MRRF: variants seen among roughly 807,000 people sequenced by gnomAD.
The protein encoded by MRRF is ribosome-recycling factor, mitochondrial.
In MRRF, 18 loss-of-function variants were observed where a neutral mutation model predicts 25.1. That is an observed-to-expected ratio of 0.72 (90% CI 0.50 to 1.06). The LOEUF is 1.06. MRRF is among the 50% of genes least tolerant of loss of function. MRRF has a pLI of 0.00. For synonymous variants in MRRF, 113 were observed against 112.1 expected (o/e 1.01, Z -0.05); for missense variants, 323 against 319.3 (o/e 1.01, Z -0.09).
intron 5 of MRRF, among the ~76,000 whole-genome samples, chr9:122,303,163 G>C (rs1373573594): frequency 6.6e-6 from 1 of 151,876 alleles, no homozygotes; most frequent in African/African-American, 2.4e-5. Context: ...CAAAAATTCA[G>C]ATCCTACAGA....
chr9:122,285,816 A>C (rs779421572), intron 4 of MRRF: 2 of 1,282,282 alleles, frequency 1.6e-6, no homozygotes, highest in Non-Finnish European at 2.0e-6. Context: ...TAATGGGCCA[A>C]ATGTGGCCTG....
chr9:122,310,413 T>C (rs1201414250), intron 5 of MRRF, among the ~76,000 whole-genome samples: 1 of 152,258 alleles, frequency 6.6e-6, no homozygotes, highest in Admixed American at 6.5e-5. Flanking sequence ...GACTGGGATG[T>C]ACCCTTTTCA....
chr9:122,286,100 T>C lies in MRRF; in HGVS notation c.459+813T>C, dbSNP rs527820164. 1.0e-4 allele frequency: 128 copies of C among 1,269,470 alleles called. No individual in the cohort carries two copies. In the South Asian group the frequency reaches 1.5e-3, roughly 15 times the overall value. 78.6% of individuals were successfully genotyped at this position (1,269,470 alleles called of 1,614,324 possible). On this transcript the variant is annotated intron_variant, in intron 4 of 6. Coordinates refer to ENST00000344641, the MANE Select transcript of MRRF (RefSeq NM_138777.5). ...ATCCGGTCCCATCTCTACCACCAAC[T>C]GGCTGTTTGACCTTGGGCAAGTTGC...
chr9:122,269,039 G>A (rs1030998532), intron 1 of MRRF, among the ~76,000 whole-genome samples: 20 of 151,742 alleles, frequency 1.3e-4, no homozygotes, highest in Admixed American at 1.3e-4. Flanking sequence ...GGTGGCAGGC[G>A]CCTGTAGTCC....
intron 4 of MRRF, among the ~76,000 whole-genome samples, chr9:122,287,300 C>T (rs1192552203): frequency 2.0e-5 from 3 of 152,212 alleles, no homozygotes; most frequent in Non-Finnish European, 2.9e-5. Flanking sequence ...GTGCCTGGCA[C>T]ATGGCACCAT....
At chr9:122,271,307 C>T (rs1832445466) in intron 2 of MRRF, among the ~76,000 whole-genome samples, 1 of 152,166 alleles carries the variant, frequency 6.6e-6, no homozygotes, top group South Asian at 2.1e-4. Flanking sequence ...CTTGGTAGCT[C>T]AGAAAATGCC....
At chr9:122,311,312 C>T (rs1835192582) in intron 5 of MRRF, among the ~76,000 whole-genome samples, 1 of 152,156 alleles carries the variant, frequency 6.6e-6, no homozygotes, top group Non-Finnish European at 1.5e-5. Flanking sequence ...CTCAGCCCTC[C>T]CTGTGTCCAG....
At position 122,276,092 on chromosome 9, in the gene MRRF, T is replaced by C. The variant is rs188379011; in HGVS notation, c.185-4351T>C. ...CCAGCTAATTTTTGTATTTTTTTTT[T>C]TAGTAGAGATGGGATTTCGCCATGT... is the stretch of plus-strand genomic sequence containing the variant. On this transcript the variant is annotated intron_variant, in intron 2 of 6. Coordinates refer to ENST00000344641, the MANE Select transcript of MRRF (RefSeq NM_138777.5). Among the ~76,000 whole-genome samples, 398 of 152,064 alleles carry C rather than the reference T, an allele frequency of 2.6e-3. 1 individual carries two copies. Among genetic ancestry groups the C allele is most frequent in the African/African-American group, 9.2e-3 (383 of 41,476 alleles).
Position 122,285,280 on chromosome 9 carries a change from TC to T in MRRF, c.455del (p.Pro152GlnfsTer11). 6.2e-7 allele frequency: 1 copy of T among 1,601,348 alleles called. No individual in the cohort carries two copies. The highest frequency in any genetic ancestry group is 8.6e-7 in the Non-Finnish European group (1 of 1,168,348). ...PQLILVNMAS[F>X]PECTAAAIKA... Reference sequence around the variant, plus strand: ...CTGATTTTGGTGAATATGGCCAGCTTCCCAGAGGTAAGATGGCCTTGCTAAA... The same window carrying T: ...CTGATTTTGGTGAATATGGCCAGCTTCCAGAGGTAAGATGGCCTTGCTAAA... On this transcript the variant is annotated frameshift_variant, in exon 4 of 7. Coordinates refer to ENST00000344641, the MANE Select transcript of MRRF (RefSeq NM_138777.5). LOFTEE classifies it high-confidence loss of function.
chr9:122,273,079 A>G (rs1424731695), intron 2 of MRRF, among the ~76,000 whole-genome samples: 1 of 152,170 alleles, frequency 6.6e-6, no homozygotes, highest in East Asian at 1.9e-4. Context: ...CTCACCACAC[A>G]TATGCTTTTC....
chr9:122,293,410 T>C (rs991741247), intron 5 of MRRF, among the ~76,000 whole-genome samples: 1 of 152,186 alleles, frequency 6.6e-6, no homozygotes, highest in African/African-American at 2.4e-5. Flanking sequence ...CCAGGTTTAG[T>C]TGATAACAAA....
intron 2 of MRRF, among the ~76,000 whole-genome samples, chr9:122,279,918 A>G (rs1832994019): frequency 6.6e-6 from 1 of 152,230 alleles, no homozygotes; most frequent in Admixed American, 6.5e-5. Flanking sequence ...TGGGTTTAAA[A>G]TTAGGCAGAT....
intron 5 of MRRF, among the ~76,000 whole-genome samples, chr9:122,302,798 C>T (rs1315176351): frequency 3.9e-5 from 6 of 152,208 alleles, no homozygotes; most frequent in Non-Finnish European, 8.8e-5. Flanking sequence ...AACTTCCAAA[C>T]TTCCACAAGG....
At chr9:122,319,828 A>C (rs1835769183) in intron 6 of MRRF, among the ~76,000 whole-genome samples, 1 of 151,128 alleles carries the variant, frequency 6.6e-6, no homozygotes. Context: ...CCCCAAGAAC[A>C]CCTTATGCTT....
chr9:122,326,488 T>C lies in MRRF; in HGVS notation c.*3871T>C, dbSNP rs1836147262. 6.6e-6 allele frequency: 1 copy of C among 152,166 alleles called. No homozygotes were observed. Among genetic ancestry groups the C allele is most frequent in the Admixed American group, 6.5e-5 (1 of 15,278 alleles). 9.4% of individuals were successfully genotyped at this position (152,166 alleles called of 1,614,324 possible). On this transcript the variant is annotated 3_prime_UTR_variant, in exon 7 of 7. Coordinates refer to ENST00000344641, the MANE Select transcript of MRRF (RefSeq NM_138777.5). ...TTTTTTTCTTACCCTGTAACAATCA[T>C]GGTCATCTGTCCATGTGTGTACATA...
rs1486068545 is a variant in MRRF at position 122,313,283 on chromosome 9, A to G, written c.608A>G (p.Lys203Arg). ...AAACTGGCCAAACAGAACACCAACAAGGCCAAAGACTCTTTACGGAAGGTT... is the reference window on the plus strand; with the variant it reads ...AAACTGGCCAAACAGAACACCAACAGGGCCAAAGACTCTTTACGGAAGGTT... ...LVKLAKQNTN[K>R]AKDSLRKVRT... The change falls in exon 6 of 7, where the codon AAG becomes AGG. Residue 203 changes from lysine (K) to arginine (R), a missense_variant. Physicochemically the swap from Lys to Arg is conservative, Grantham distance 26. Coordinates refer to ENST00000344641, the MANE Select transcript of MRRF (RefSeq NM_138777.5). The G allele has an allele frequency of 6.2e-7, 1 of 1,614,172 alleles. No individual in the cohort carries two copies. The highest frequency in any genetic ancestry group is 8.5e-7 in the Non-Finnish European group (1 of 1,179,978).
chr9:122,301,006 G>T (rs1834413535), intron 5 of MRRF, among the ~76,000 whole-genome samples: 1 of 152,098 alleles, frequency 6.6e-6, no homozygotes, highest in Non-Finnish European at 1.5e-5. Context: ...GCTTCCTAAA[G>T]CTTCAAGATC....
chr9:122,294,059 C>T (rs1833939001), intron 5 of MRRF, among the ~76,000 whole-genome samples: 1 of 152,206 alleles, frequency 6.6e-6, no homozygotes, highest in Non-Finnish European at 1.5e-5. Flanking sequence ...TAGTAGTCAG[C>T]AGGCTTATTT....
chr9:122,275,758 G>A (rs1832733562), intron 2 of MRRF, among the ~76,000 whole-genome samples: 1 of 152,080 alleles, frequency 6.6e-6, no homozygotes, highest in Non-Finnish European at 1.5e-5. Flanking sequence ...ATGGCAAATG[G>A]CAAGGTCTCG....
Sources: allele counts gnomAD v4.1 joint callset (sites outside exome capture counted in the v4.1 genomes callset), GRCh38; gene constraint gnomAD v4.1.1; transcripts MANE v1.5; gene names NCBI Gene and HGNC (gene_info 2026-07-23, HGNC 2026-07-21).